The following NRXN1 variants were observed in gnomAD, a reference collection of about 807,000 sequenced individuals.
NRXN1 encodes neurexin 1, also known as neurexin-1.
Under a neutral mutation model 150.9 loss-of-function variants are expected in NRXN1, and 39 were observed. That is an observed-to-expected ratio of 0.26 (90% CI 0.20 to 0.34). NRXN1 has a LOEUF of 0.34. NRXN1 is among the 10% of genes least tolerant of loss of function. The pLI is 1.00. For missense variants in NRXN1, 1,815 were observed against 1,949.9 expected (o/e 0.93, Z 1.30); for synonymous variants, 924 against 757.0 (o/e 1.22, Z -3.62).
At chr2:50,697,995 A>G (rs1240359269) in intron 5 of NRXN1, among the ~76,000 whole-genome samples, 1 of 152,032 alleles carries the variant, frequency 6.6e-6, no homozygotes, top group Non-Finnish European at 1.5e-5. Flanking sequence ...ACACAACCCC[A>G]TCTACACTAC....
Position 50,347,028 on chromosome 2 carries a change from G to C in NRXN1, c.3365-110058C>G. 1 of 1,373,400 alleles carries C rather than the reference G, an allele frequency of 7.3e-7. No individual in the cohort carries two copies. Among genetic ancestry groups the C allele is most frequent in the East Asian group, 4.1e-5 (1 of 24,530 alleles). 85.1% of individuals were successfully genotyped at this position (1,373,400 alleles called of 1,614,324 possible). ...GGGAGAGGAGAGGGCGCAGGGGAGC[G>C]GGCGGCGCGGAGTGGGCTGAGGGGC... On this transcript the variant is annotated intron_variant, in intron 17 of 22. Coordinates refer to ENST00000401669, the MANE Select transcript of NRXN1 (RefSeq NM_001330078.2). The surrounding 1 kb of genome is among the most constrained non-coding windows in gnomAD (Gnocchi z 4.9).
At chr2:49,960,779 T>G (rs1325605600) in intron 21 of NRXN1, among the ~76,000 whole-genome samples, 1 of 152,122 alleles carries the variant, frequency 6.6e-6, no homozygotes, top group Admixed American at 6.6e-5. Flanking sequence ...ACTACCCCAG[T>G]GGTTCTTAAA....
intron 17 of NRXN1, among the ~76,000 whole-genome samples, chr2:50,289,957 T>C (rs930089302): frequency 6.6e-6 from 1 of 152,206 alleles, no homozygotes; most frequent in Admixed American, 6.5e-5. Flanking sequence ...AACCCAGTTA[T>C]TGTTAGCACT....
At chr2:50,160,976 C>G (rs2059330398) in intron 18 of NRXN1, among the ~76,000 whole-genome samples, 1 of 152,054 alleles carries the variant, frequency 6.6e-6, no homozygotes, top group Non-Finnish European at 1.5e-5. Context: ...GTATGATTAT[C>G]TCCATAATTT....
chr2:50,095,658 C>G (rs565333297), intron 18 of NRXN1, among the ~76,000 whole-genome samples: 2 of 151,852 alleles, frequency 1.3e-5, no homozygotes, highest in Non-Finnish European at 2.9e-5. Flanking sequence ...TGCTCATTTT[C>G]TAGGTGCAGA....
intron 13 of NRXN1, among the ~76,000 whole-genome samples, chr2:50,501,874 T>C (rs1394856414): frequency 6.6e-6 from 1 of 152,198 alleles, no homozygotes; most frequent in Non-Finnish European, 1.5e-5. Context: ...GTTCAACAGA[T>C]AACTGACTTA....
At chr2:50,121,807 T>C (rs1436251676) in intron 18 of NRXN1, among the ~76,000 whole-genome samples, 2 of 152,236 alleles carry the variant, frequency 1.3e-5, no homozygotes, top group African/African-American at 4.8e-5. Flanking sequence ...ATCATTGATG[T>C]ACTTACAGCA....
chr2:50,317,376 G>A (rs928651712), intron 17 of NRXN1, among the ~76,000 whole-genome samples: 18 of 151,802 alleles, frequency 1.2e-4, no homozygotes, highest in African/African-American at 4.4e-4. Flanking sequence ...CAGTCAGGAA[G>A]AATGAAACAG....
At chr2:50,285,064 T>C (rs1318715666) in intron 17 of NRXN1, among the ~76,000 whole-genome samples, 1 of 152,148 alleles carries the variant, frequency 6.6e-6, no homozygotes, top group African/African-American at 2.4e-5. Flanking sequence ...CAATTTTTGG[T>C]GAATCAATGA....
intron 18 of NRXN1, among the ~76,000 whole-genome samples, chr2:50,206,992 T>C (rs1343770242): frequency 6.6e-6 from 1 of 151,922 alleles, no homozygotes; most frequent in Admixed American, 6.6e-5. Flanking sequence ...GAAATTAATA[T>C]ACTAAGTGTA....
intron 17 of NRXN1, among the ~76,000 whole-genome samples, chr2:50,254,699 T>A (rs2067524502): frequency 6.6e-6 from 1 of 152,162 alleles, no homozygotes; most frequent in Admixed American, 6.6e-5. Context: ...AAATATAACT[T>A]TGGTTTGTTT....
At chr2:50,591,381 C>CAGATAGATAGATAGAT (rs59774040) in intron 8 of NRXN1, among the ~76,000 whole-genome samples, 287 of 134,814 alleles carry the variant, frequency 2.1e-3, no homozygotes, top group Middle Eastern at 3.8e-3. Context: ...CACTATATAT[C>CAGATAGATAGATAGAT]AGATAGATAG....
At chr2:50,233,732 C>A (rs1272163920) in intron 18 of NRXN1, among the ~76,000 whole-genome samples, 1 of 151,968 alleles carries the variant, frequency 6.6e-6, no homozygotes. Flanking sequence ...AGCATAGCAC[C>A]AATTAGGTTA....
At chr2:50,385,651 A>G (rs2081284491) in intron 17 of NRXN1, among the ~76,000 whole-genome samples, 1 of 152,142 alleles carries the variant, frequency 6.6e-6, no homozygotes, top group African/African-American at 2.4e-5. Flanking sequence ...CTTTCTAGGA[A>G]ACTTTCCAAG....
At chr2:50,272,535 T>C (rs1436424734) in intron 17 of NRXN1, among the ~76,000 whole-genome samples, 3 of 152,018 alleles carry the variant, frequency 2.0e-5, no homozygotes, top group East Asian at 3.9e-4. Flanking sequence ...CTAGTTTCAA[T>C]GAAGTCAAAA....
At chr2:50,219,742 G>C (rs2063664775) in intron 18 of NRXN1, among the ~76,000 whole-genome samples, 1 of 149,538 alleles carries the variant, frequency 6.7e-6, no homozygotes, top group Non-Finnish European at 1.5e-5. Context: ...CAAAAAATTA[G>C]TTGGGCATGG....
chr2:50,907,398 G>A (rs1166651965), intron 5 of NRXN1, among the ~76,000 whole-genome samples: 1 of 152,024 alleles, frequency 6.6e-6, no homozygotes, highest in Admixed American at 6.6e-5. Context: ...AACTAAGTTT[G>A]TTATACTTTT....
chr2:50,565,991 G>C (rs1237971823), intron 8 of NRXN1, among the ~76,000 whole-genome samples: 5 of 152,084 alleles, frequency 3.3e-5, no homozygotes, highest in Admixed American at 3.3e-4. Flanking sequence ...ATATTCTTTA[G>C]TATCATTTTC....
chr2:50,038,543 A>C (rs1558746560), intron 21 of NRXN1, among the ~76,000 whole-genome samples: 1 of 152,294 alleles, frequency 6.6e-6, no homozygotes, highest in Admixed American at 6.5e-5. Flanking sequence ...AATGATCACC[A>C]GTTTAACTCC....
Sources: allele counts gnomAD v4.1 joint callset (sites outside exome capture counted in the v4.1 genomes callset), GRCh38; gene constraint gnomAD v4.1.1; non-coding constraint Gnocchi (gnomAD v3.1); transcripts MANE v1.5; gene names NCBI Gene and HGNC (gene_info 2026-07-23, HGNC 2026-07-21).